The following MEGF10 variants were observed in gnomAD, a reference collection of about 807,000 sequenced individuals.
The protein encoded by MEGF10 is multiple EGF like domains 10.
In MEGF10, 86 loss-of-function variants were observed where a neutral mutation model predicts 147.5. The ratio of observed to expected loss-of-function variants is 0.58; its 90% CI spans 0.49 to 0.70. The LOEUF is 0.70. Ranked by LOEUF, MEGF10 falls within the 30% of genes least tolerant of loss-of-function variation. The pLI, the probability that MEGF10 is intolerant of heterozygous loss-of-function variation, is 0.00. For synonymous variants in MEGF10, 478 were observed against 525.5 expected (o/e 0.91, Z 1.24); for missense variants, 1,329 against 1,487.3 (o/e 0.89, Z 1.75).
rs772979552 is a variant in MEGF10 at position 127,443,129 on chromosome 5, A to G, written c.2491+3A>G. 34 of 1,611,734 alleles carry G rather than the reference A, an allele frequency of 2.1e-5. No homozygotes were observed. The highest frequency in any genetic ancestry group is 2.8e-5 in the Non-Finnish European group (33 of 1,178,668). ...GAAGGGAGCGAGATGTGATCAAGGT[A>G]AATATACTAGCTAATGTTTGTAGCA... On this transcript the variant is annotated splice_donor_region_variant and intron_variant, in intron 19 of 24. Coordinates refer to ENST00000503335, the MANE Select transcript of MEGF10 (RefSeq NM_001256545.2).
At chr5:127,331,859 C>T (rs27562) in intron 2 of MEGF10, among the ~76,000 whole-genome samples, 2 of 151,702 alleles carry the variant, frequency 1.3e-5, no homozygotes, top group Non-Finnish European at 2.9e-5. Context: ...GGCTTGAAAA[C>T]GGAGACCTAA....
the MEGF10 span, among the ~76,000 whole-genome samples, chr5:127,277,463 A>G: frequency 2.0e-5 from 3 of 151,990 alleles, no homozygotes; most frequent in Non-Finnish European, 4.4e-5. Context: ...AACCCAAGAA[A>G]CCTCCTGCTT....
chr5:127,251,633 T>C, the MEGF10 span, among the ~76,000 whole-genome samples: 10 of 152,006 alleles, frequency 6.6e-5, no homozygotes, highest in African/African-American at 1.9e-4. Context: ...GGTTATCCAT[T>C]TTGAAAGAAA....
intron 5 of MEGF10, among the ~76,000 whole-genome samples, chr5:127,376,792 G>A (rs1190474319): frequency 2.6e-5 from 4 of 152,188 alleles, no homozygotes; most frequent in Non-Finnish European, 5.9e-5. Context: ...TACAGATGAG[G>A]AAACGGAGGT....
chr5:127,428,424 C>A (rs752065724), intron 13 of MEGF10, among the ~76,000 whole-genome samples: 9 of 152,190 alleles, frequency 5.9e-5, no homozygotes, highest in South Asian at 4.1e-4. Context: ...TCAGGACAGT[C>A]GCTCTATCAG....
At chr5:127,376,151 A>T (rs1763016919) in intron 5 of MEGF10, among the ~76,000 whole-genome samples, 2 of 152,198 alleles carry the variant, frequency 1.3e-5, no homozygotes, top group African/African-American at 4.8e-5. Flanking sequence ...CAGAAAACAG[A>T]TTGCAATAGA....
Position 127,369,231 on chromosome 5 carries a change from A to G in MEGF10, c.320-679A>G, listed in dbSNP as rs144924584. ...TTTGGCACAGCATATTTTAATGCCT[A>G]TTTTGGAAATCATCAGACTGTCCAT... On this transcript the variant is annotated intron_variant, in intron 4 of 24. Coordinates refer to ENST00000503335, the MANE Select transcript of MEGF10 (RefSeq NM_001256545.2). 8.3e-3 allele frequency among the ~76,000 whole-genome samples: 1,264 copies of G among 152,286 alleles called. 6 individuals carry two copies. Among genetic ancestry groups the G allele is most frequent in the Non-Finnish European group, 0.012 (836 of 68,012 alleles).
intron 4 of MEGF10, among the ~76,000 whole-genome samples, chr5:127,357,628 T>A (rs922538269): frequency 5.2e-5 from 7 of 134,984 alleles, no homozygotes; most frequent in Non-Finnish European, 1.2e-4. Flanking sequence ...AATAAATAAA[T>A]AAAATTTAAA....
At chr5:127,393,371 G>C (rs1763776039) in intron 5 of MEGF10, among the ~76,000 whole-genome samples, 1 of 152,220 alleles carries the variant, frequency 6.6e-6, no homozygotes, top group Non-Finnish European at 1.5e-5. Context: ...AGTTATCAGG[G>C]ATGAGAGCTG....
At chr5:127,427,707 T>C (rs1454895488) in intron 13 of MEGF10, among the ~76,000 whole-genome samples, 1 of 152,152 alleles carries the variant, frequency 6.6e-6, no homozygotes, top group Non-Finnish European at 1.5e-5. Context: ...GGGACTAATC[T>C]GTCGTGAGGT....
At chr5:127,397,522 C>A (rs1763964028) in intron 6 of MEGF10, among the ~76,000 whole-genome samples, 1 of 152,148 alleles carries the variant, frequency 6.6e-6, no homozygotes, top group South Asian at 2.1e-4. Context: ...ATCCTCTTCC[C>A]TTACTGAGAA....
At chr5:127,454,448 A>G in intron 22 of MEGF10, 118 bp from the exon 23 acceptor site, 2 of 777,740 alleles carry the variant, frequency 2.6e-6, no homozygotes, top group Non-Finnish European at 4.1e-6. Flanking sequence ...AGGCTTGAAG[A>G]GCAGCAGCCT....
intron 16 of MEGF10, among the ~76,000 whole-genome samples, chr5:127,437,678 A>G (rs72790426): frequency 0.12 from 18,532 of 152,194 alleles, 1,307 homozygotes; most frequent in South Asian, 0.2. Flanking sequence ...ATCGGCAGTG[A>G]CCCCTAATGA....
At chr5:127,242,961 T>A in the MEGF10 span, among the ~76,000 whole-genome samples, 726 of 152,288 alleles carry the variant, frequency 4.8e-3, 8 homozygotes, top group African/African-American at 0.016. Flanking sequence ...TTCCCATGTA[T>A]GTTTATGGAC....
At chr5:127,259,705 T>C in the MEGF10 span, among the ~76,000 whole-genome samples, 2 of 152,256 alleles carry the variant, frequency 1.3e-5, no homozygotes, top group South Asian at 4.1e-4. Flanking sequence ...TGTGCCACTC[T>C]GGAACCATGG....
Position 127,445,472 on chromosome 5 carries a change from T to C in MEGF10, c.2507T>C (p.Val836Ala). The C allele has an allele frequency of 6.2e-7, 1 of 1,613,920 alleles. No homozygotes were observed. The highest frequency in any genetic ancestry group is 1.7e-4 in the Middle Eastern group (1 of 6,060). ...ARCDQAGVII[V>A]GNLNSLSRTS... is the part of the protein sequence containing the mutation. ...CTTTTTCTAGCTGGTGTTATCATAGTTGGAAATCTGAACAGCTTAAGCCGA... is the reference window on the plus strand; with the variant it reads ...CTTTTTCTAGCTGGTGTTATCATAGCTGGAAATCTGAACAGCTTAAGCCGA... The change falls in exon 20 of 25, where the codon GTT becomes GCT. Residue 836 changes from valine (V) to alanine (A), a missense_variant. By Grantham distance (64) the Val-to-Ala change is moderately conservative. Coordinates refer to ENST00000503335, the MANE Select transcript of MEGF10 (RefSeq NM_001256545.2).
intron 2 of MEGF10, among the ~76,000 whole-genome samples, chr5:127,337,073 C>T (rs1478481889): frequency 6.6e-6 from 1 of 152,006 alleles, no homozygotes; most frequent in Non-Finnish European, 1.5e-5. Flanking sequence ...AATTTGAGGA[C>T]GGCCATACAG....
chr5:127,418,917 T>C (rs534926989), intron 10 of MEGF10, among the ~76,000 whole-genome samples: 4 of 152,176 alleles, frequency 2.6e-5, no homozygotes, highest in African/African-American at 7.2e-5. Context: ...TAATAATATA[T>C]CCTAAACATA....
intron 19 of MEGF10, among the ~76,000 whole-genome samples, chr5:127,444,099 G>A (rs1484666382): frequency 6.6e-6 from 1 of 152,172 alleles, no homozygotes; most frequent in African/African-American, 2.4e-5. Flanking sequence ...TCCGATTCCA[G>A]GGTTGGGGAC....
Sources: gnomAD v4.1 joint callset for allele counts (sites outside exome capture counted in the v4.1 genomes callset) on GRCh38, gnomAD v4.1.1 for gene constraint, MANE v1.5 for transcripts, NCBI Gene and HGNC (gene_info 2026-07-23, HGNC 2026-07-21) for gene names.